Variants in EEF1AKMT1 observed in about 807,000 individuals in gnomAD.
EEF1AKMT1 encodes EEF1A lysine methyltransferase 1.
Under a neutral mutation model 21.0 loss-of-function variants are expected in EEF1AKMT1, and 18 were observed. That is an observed-to-expected ratio of 0.86 (90% CI 0.59 to 1.27). EEF1AKMT1 has a LOEUF of 1.27. Among genes scored for constraint, EEF1AKMT1 ranks in the 50% most tolerant of loss-of-function variants. The pLI is 0.00. For synonymous variants in EEF1AKMT1, 109 were observed against 94.8 expected, an observed-to-expected ratio of 1.15 and a Z score of -0.87; for missense variants, 246 against 258.6, an observed-to-expected ratio of 0.95 and a Z score of 0.33.
intron 2 of EEF1AKMT1, among the ~76,000 whole-genome samples, chr13:20,738,794 G>A (rs1387766673): frequency 6.6e-6 from 1 of 152,206 alleles, no homozygotes; most frequent in Admixed American, 6.5e-5. Flanking sequence ...TACAAAGACA[G>A]TAGATTAGTG....
Position 20,770,854 on chromosome 13 carries a change from T to C in EEF1AKMT1, c.-20+3067A>G, listed in dbSNP as rs113729880. On this transcript the variant is annotated intron_variant, in intron 1 of 4. Coordinates refer to ENST00000382758, the MANE Select transcript of EEF1AKMT1 (RefSeq NM_001318939.2). The stretch of plus-strand genomic sequence containing the variant: ...ATGCAGACACATACATACACACATA[T>C]GCATATATATTTATCCTTGACATAT... 1.8e-3 allele frequency among the ~76,000 whole-genome samples: 273 copies of C among 152,242 alleles called. 1 individual carries two copies. The highest frequency in any genetic ancestry group is 5.8e-3 in the African/African-American group (242 of 41,542).
intron 2 of EEF1AKMT1, among the ~76,000 whole-genome samples, chr13:20,739,106 C>T (rs534838588): frequency 7.9e-5 from 12 of 152,154 alleles, no homozygotes; most frequent in South Asian, 2.1e-4. Context: ...TGCAGACCTT[C>T]GCCAAGAGGA....
intron 3 of EEF1AKMT1, 66 bp downstream of exon 3, chr13:20,737,657 C>G: frequency 7.6e-7 from 1 of 1,308,946 alleles, no homozygotes; most frequent in Non-Finnish European, 1.1e-6. Flanking sequence ...TACAAACCAT[C>G]TGTCATCCAG....
intron 2 of EEF1AKMT1, among the ~76,000 whole-genome samples, chr13:20,738,973 C>A (rs548601752): frequency 6.6e-6 from 1 of 152,202 alleles, no homozygotes; most frequent in Non-Finnish European, 1.5e-5. Flanking sequence ...TGTGGACCCT[C>A]ACGATGAGTG....
rs761126404 is a variant in EEF1AKMT1, at chr13:20,734,719, G to A, written c.228-2598C>T. Among the ~76,000 whole-genome samples the A allele has an allele frequency of 4.6e-5, 7 of 152,102 alleles. No homozygotes were observed. In the East Asian group the frequency reaches 7.7e-4, roughly 17 times the overall value. Reference sequence around the variant, plus strand: ...CGCCATTCTCCTGCCTCAGCCTCCCGAGTATCATCTTTAAATGATGACTTA... The same window carrying A: ...CGCCATTCTCCTGCCTCAGCCTCCCAAGTATCATCTTTAAATGATGACTTA... On this transcript the variant is annotated intron_variant, in intron 3 of 4. Transcript: ENST00000382758.
intron 3 of EEF1AKMT1, among the ~76,000 whole-genome samples, chr13:20,735,195 C>G (rs1191605658): frequency 1.3e-5 from 2 of 152,134 alleles, no homozygotes; most frequent in Non-Finnish European, 2.9e-5. Flanking sequence ...TACCCGAGGG[C>G]TCAGGATGCG....
chr13:20,745,782 A>T (rs2058900542), intron 2 of EEF1AKMT1, among the ~76,000 whole-genome samples: 1 of 152,186 alleles, frequency 6.6e-6, no homozygotes, highest in Non-Finnish European at 1.5e-5. Flanking sequence ...TGGGAGGCAG[A>T]GGTTGCAGTA....
chr13:20,773,557 G>C (rs1013097621), intron 1 of EEF1AKMT1, among the ~76,000 whole-genome samples: 3 of 152,264 alleles, frequency 2.0e-5, no homozygotes, highest in African/African-American at 4.8e-5. Flanking sequence ...AGCAGGCCGA[G>C]TCCTGTTTCT....
At chr13:20,756,342 T>C (rs556535542) in intron 2 of EEF1AKMT1, among the ~76,000 whole-genome samples, 4 of 152,340 alleles carry the variant, frequency 2.6e-5, no homozygotes, top group Admixed American at 2.6e-4. Context: ...CTAATCCCTA[T>C]TGTAATTCAG....
At chr13:20,762,224 C>A (rs1180718394) in intron 1 of EEF1AKMT1, among the ~76,000 whole-genome samples, 1 of 148,904 alleles carries the variant, frequency 6.7e-6, no homozygotes, top group Admixed American at 6.7e-5. Flanking sequence ...GCTCTGTTGC[C>A]CAGGCTGGAG....
At chr13:20,764,790 A>G (rs1390685229) in intron 1 of EEF1AKMT1, among the ~76,000 whole-genome samples, 19 of 151,684 alleles carry the variant, frequency 1.3e-4, no homozygotes, top group Admixed American at 1.1e-3. Flanking sequence ...CTTTACTCTT[A>G]TAAGTCTACT....
intron 2 of EEF1AKMT1, among the ~76,000 whole-genome samples, chr13:20,745,321 A>AT (rs1348016529): frequency 6.6e-6 from 1 of 152,100 alleles, no homozygotes; most frequent in African/African-American, 2.4e-5. Context: ...AGGGCATGGA[A>AT]TTTTTTTCCA....
At chr13:20,737,571 T>A in intron 3 of EEF1AKMT1, 152 bp downstream of exon 3, 1 of 602,570 alleles carries the variant, frequency 1.7e-6, no homozygotes, top group East Asian at 3.0e-5. Context: ...CTAAACTCAG[T>A]GTTGAAGCTG....
At chr13:20,737,361 G>A (rs112371980) in intron 3 of EEF1AKMT1, among the ~76,000 whole-genome samples, 3 of 151,974 alleles carry the variant, frequency 2.0e-5, no homozygotes, top group Non-Finnish European at 4.4e-5. Flanking sequence ...GTGAGACTCC[G>A]TCTCAAAATA....
intron 2 of EEF1AKMT1, among the ~76,000 whole-genome samples, chr13:20,748,259 C>T (rs1330594761): frequency 1.3e-5 from 2 of 152,056 alleles, no homozygotes; most frequent in African/African-American, 4.8e-5. Flanking sequence ...CATGGTGAAA[C>T]CCCGTCTCTA....
chr13:20,769,226 G>C (rs137905575), intron 1 of EEF1AKMT1: 76 of 152,314 alleles, frequency 5.0e-4, no homozygotes, highest in African/African-American at 1.7e-3. Context: ...AGTAAACACA[G>C]AATAGTTCCA....
chr13:20,767,032 C>T (rs1008450057), intron 1 of EEF1AKMT1, among the ~76,000 whole-genome samples: 11 of 151,968 alleles, frequency 7.2e-5, no homozygotes, highest in South Asian at 4.2e-4. Context: ...GTGGGCCAGG[C>T]GCGGTGACTC....
At position 20,769,523 on chromosome 13, in the gene EEF1AKMT1, T is replaced by A. The variant is rs559478396; in HGVS notation, c.-20+4398A>T. The A allele has an allele frequency of 3.7e-4, 57 of 152,252 alleles. 2 individuals are homozygous for A. Among genetic ancestry groups the A allele is most frequent in the Admixed American group, 3.4e-3 (52 of 15,280 alleles). 9.4% of individuals were successfully genotyped at this position (152,252 alleles called of 1,614,324 possible). Reference sequence around the variant, plus strand: ...TGAGACATTCAAACACAACTGCATATACAGGGGAATTTAGAAAGCCATTAC... The same window carrying A: ...TGAGACATTCAAACACAACTGCATAAACAGGGGAATTTAGAAAGCCATTAC... On this transcript the variant is annotated intron_variant, in intron 1 of 4. Coordinates refer to ENST00000382758, the MANE Select transcript of EEF1AKMT1 (RefSeq NM_001318939.2).
intron 2 of EEF1AKMT1, among the ~76,000 whole-genome samples, chr13:20,744,109 G>A (rs960388948): frequency 2.6e-5 from 4 of 152,122 alleles, no homozygotes; most frequent in Non-Finnish European, 5.9e-5. Context: ...TGGGCATTTG[G>A]GTTGGTTCCA....
Sources: allele counts gnomAD v4.1 joint callset (sites outside exome capture counted in the v4.1 genomes callset), GRCh38; gene constraint gnomAD v4.1.1; transcripts MANE v1.5; gene names NCBI Gene and HGNC (gene_info 2026-07-23, HGNC 2026-07-21).